ADCY2: variants seen among roughly 807,000 people sequenced by gnomAD.
The protein encoded by ADCY2 is adenylate cyclase 2.
A neutral mutation model predicts 125.2 loss-of-function variants in ADCY2; 31 were observed. That is an observed-to-expected ratio of 0.25 (90% confidence interval 0.19 to 0.33). ADCY2 has a LOEUF of 0.33. ADCY2 is among the 10% of genes least tolerant of loss of function. The pLI is 1.00. For missense variants in ADCY2, 904 were observed against 1,418.2 expected, an observed-to-expected ratio of 0.64 and a Z score of 5.82; for synonymous variants, 512 against 548.4, an observed-to-expected ratio of 0.93 and a Z score of 0.93.
intron 2 of ADCY2, among the ~76,000 whole-genome samples, chr5:7,518,056 A>C (rs1744313312): frequency 6.6e-6 from 1 of 152,248 alleles, no homozygotes; most frequent in South Asian, 2.1e-4. Context: ...TTGGGAGGGC[A>C]ACACAGAGAT....
At chr5:7,563,623 C>A (rs1465932122) in intron 3 of ADCY2, among the ~76,000 whole-genome samples, 1 of 152,154 alleles carries the variant, frequency 6.6e-6, no homozygotes, top group Non-Finnish European at 1.5e-5. Context: ...CAAAAAGTAG[C>A]ATATCCCTGT....
chr5:7,399,433 T>C (rs1739182814), intron 1 of ADCY2, among the ~76,000 whole-genome samples: 2 of 152,250 alleles, frequency 1.3e-5, no homozygotes, highest in African/African-American at 2.4e-5. Flanking sequence ...ATTGATATTG[T>C]TCACAAAGTG....
intron 2 of ADCY2, among the ~76,000 whole-genome samples, chr5:7,451,058 T>C (rs1040726324): frequency 1.3e-5 from 2 of 152,230 alleles, no homozygotes; most frequent in African/African-American, 2.4e-5. Context: ...ACAAGGAAAT[T>C]AATACCATTT....
chr5:7,790,790 G>A (rs1417690078), intron 20 of ADCY2, among the ~76,000 whole-genome samples: 2 of 152,024 alleles, frequency 1.3e-5, no homozygotes, highest in African/African-American at 4.8e-5. Flanking sequence ...TGGACAGTAG[G>A]GGAAGGAGGA....
chr5:7,811,677 A>C (rs1272243707), intron 22 of ADCY2, among the ~76,000 whole-genome samples: 1 of 152,164 alleles, frequency 6.6e-6, no homozygotes, highest in Non-Finnish European at 1.5e-5. Flanking sequence ...TCACTAGTTC[A>C]TAAGCGTGAC....
intron 1 of ADCY2, among the ~76,000 whole-genome samples, chr5:7,408,179 C>G (rs932161466): frequency 1.4e-5 from 2 of 145,028 alleles, no homozygotes. Flanking sequence ...CCCTTCTGTT[C>G]AGTTCTAACC....
intron 4 of ADCY2, among the ~76,000 whole-genome samples, chr5:7,677,300 CA>C (rs1168713314): frequency 2.6e-5 from 4 of 151,106 alleles, no homozygotes; most frequent in Non-Finnish European, 4.4e-5. Context: ...AACAAACAAA[CA>C]AAAAAAAAGA....
At chr5:7,703,232 G>A (rs1411040617) in intron 7 of ADCY2, among the ~76,000 whole-genome samples, 4 of 152,076 alleles carry the variant, frequency 2.6e-5, no homozygotes, top group Non-Finnish European at 1.5e-5. Context: ...TCTTTAATTA[G>A]ATCCCATTTG....
rs565895602 is a variant in ADCY2, at chr5:7,576,789, A to G, written c.571-49378A>G. 3.3e-5 allele frequency among the ~76,000 whole-genome samples: 5 copies of G among 152,222 alleles called. No individual in the cohort carries two copies. In the East Asian group the frequency reaches 9.6e-4, roughly 29 times the overall value. On this transcript the variant is annotated intron_variant, in intron 3 of 24. Coordinates refer to ENST00000338316, the MANE Select transcript of ADCY2 (RefSeq NM_020546.3). Reference sequence around the variant, plus strand: ...CCACACCCCCTTCCCCACCAACACCACTGTTAAGAGCTTTCCTAACTAGAA... The same window carrying G: ...CCACACCCCCTTCCCCACCAACACCGCTGTTAAGAGCTTTCCTAACTAGAA...
intron 22 of ADCY2, among the ~76,000 whole-genome samples, chr5:7,811,027 G>GTAA (rs1744925874): frequency 6.6e-6 from 1 of 152,188 alleles, no homozygotes; most frequent in Non-Finnish European, 1.5e-5. Context: ...TAGTATTGCT[G>GTAA]TAATATGCAG....
At chr5:7,439,627 A>G (rs958502321) in intron 2 of ADCY2, among the ~76,000 whole-genome samples, 3 of 152,212 alleles carry the variant, frequency 2.0e-5, no homozygotes, top group Admixed American at 6.5e-5. Context: ...ATTCTCTATT[A>G]GAACACTTGT....
chr5:7,563,014 G>C lies in ADCY2; in HGVS notation c.570+42115G>C, dbSNP rs114837089. ...AGCTTATTTTGCTATCCTGCTCATT[G>C]TTTTAAATGCATTATATTGGTCTTG... On this transcript the variant is annotated intron_variant, in intron 3 of 24. Coordinates refer to ENST00000338316, the MANE Select transcript of ADCY2 (RefSeq NM_020546.3). 7.5e-3 allele frequency among the ~76,000 whole-genome samples: 1,137 copies of C among 152,188 alleles called. 14 individuals are homozygous for C. Among genetic ancestry groups the C allele is most frequent in the African/African-American group, 0.026 (1,071 of 41,552 alleles).
chr5:7,410,363 A>G (rs1739661558), intron 1 of ADCY2, among the ~76,000 whole-genome samples: 1 of 152,242 alleles, frequency 6.6e-6, no homozygotes, highest in Non-Finnish European at 1.5e-5. Flanking sequence ...TACATTGAAA[A>G]GAAAGAAAAT....
At chr5:7,620,753 T>C (rs1006880456) in intron 3 of ADCY2, among the ~76,000 whole-genome samples, 2 of 152,256 alleles carry the variant, frequency 1.3e-5, no homozygotes, top group Non-Finnish European at 2.9e-5. Context: ...CCAGCTCTCT[T>C]CATCATGTCC....
chr5:7,612,019 GAA>G (rs1008328382), intron 3 of ADCY2, among the ~76,000 whole-genome samples: 1 of 152,102 alleles, frequency 6.6e-6, no homozygotes, highest in Admixed American at 6.5e-5. Flanking sequence ...TTCCAGAAAA[GAA>G]AATTCAACTG....
At chr5:7,588,494 T>C (rs1406299245) in intron 3 of ADCY2, among the ~76,000 whole-genome samples, 2 of 152,220 alleles carry the variant, frequency 1.3e-5, no homozygotes, top group East Asian at 1.9e-4. Flanking sequence ...CCGTCAATTA[T>C]GGGTTAAGAA....
intron 4 of ADCY2, among the ~76,000 whole-genome samples, chr5:7,668,701 T>C (rs1739836862): frequency 6.6e-6 from 1 of 152,330 alleles, no homozygotes; most frequent in African/African-American, 2.4e-5. Context: ...GAGTATGGCA[T>C]TACTTGTCTT....
At chr5:7,818,107 G>A (rs890356419) in intron 23 of ADCY2, among the ~76,000 whole-genome samples, 1 of 152,128 alleles carries the variant, frequency 6.6e-6, no homozygotes, top group African/African-American at 2.4e-5. Context: ...TCTTCTGAGA[G>A]TCAGTTTATA....
intron 13 of ADCY2, among the ~76,000 whole-genome samples, 173 bp downstream of exon 13, chr5:7,724,787 C>T (rs1034243198): frequency 3.3e-5 from 5 of 152,002 alleles, no homozygotes; most frequent in Admixed American, 2.0e-4. Context: ...TACGGTATTT[C>T]TTGTTACCAA....
Sources: gnomAD v4.1 joint callset for allele counts (sites outside exome capture counted in the v4.1 genomes callset) on GRCh38, gnomAD v4.1.1 for gene constraint, MANE v1.5 for transcripts, NCBI Gene and HGNC (gene_info 2026-07-23, HGNC 2026-07-21) for gene names.